EDIL3: variants seen among roughly 807,000 people sequenced by gnomAD.
EDIL3 encodes the protein EGF-like repeat and discoidin I-like domain-containing protein 3.
A neutral mutation model predicts 67.4 loss-of-function variants in EDIL3; 37 were observed. That is an observed-to-expected ratio of 0.55 (90% CI 0.42 to 0.72). The LOEUF (loss-of-function observed/expected upper bound fraction) is 0.72. Ranked by LOEUF, EDIL3 falls within the 30% of genes least tolerant of loss-of-function variation. The pLI, the probability that EDIL3 is intolerant of heterozygous loss-of-function variation, is 0.00. For missense variants in EDIL3, 527 were observed against 586.3 expected (o/e 0.90, Z 1.04); for synonymous variants, 195 against 196.3 (o/e 0.99, Z 0.05).
At chr5:83,944,596 A>G (rs1744280766) in intron 10 of EDIL3, among the ~76,000 whole-genome samples, 1 of 151,844 alleles carries the variant, frequency 6.6e-6, no homozygotes, top group Non-Finnish European at 1.5e-5. Context: ...TCTTTATCTG[A>G]AGATTTTATC....
chr5:84,084,997 A>G (rs1747043184), intron 6 of EDIL3, among the ~76,000 whole-genome samples: 1 of 152,200 alleles, frequency 6.6e-6, no homozygotes, highest in Non-Finnish European at 1.5e-5. Context: ...TGTCCTAATA[A>G]CATAATCAGG....
intron 4 of EDIL3, among the ~76,000 whole-genome samples, chr5:84,179,113 C>T (rs968312179): frequency 5.3e-5 from 8 of 152,258 alleles, no homozygotes; most frequent in African/African-American, 1.9e-4. Flanking sequence ...GGCACTGCCT[C>T]TGATGCCACA....
chr5:83,982,655 G>A (rs1324807327), intron 9 of EDIL3, among the ~76,000 whole-genome samples: 3 of 152,036 alleles, frequency 2.0e-5, no homozygotes, highest in South Asian at 4.1e-4. Flanking sequence ...TAGTAATTTC[G>A]TGTATAATAA....
intron 1 of EDIL3, among the ~76,000 whole-genome samples, chr5:84,326,556 A>G (rs1411373979): frequency 6.6e-6 from 1 of 151,938 alleles, no homozygotes; most frequent in African/African-American, 2.4e-5. Context: ...TGTATATTTT[A>G]CCACAATAAA....
At chr5:84,318,138 CT>C (rs1311390011) in intron 1 of EDIL3, among the ~76,000 whole-genome samples, 1 of 152,142 alleles carries the variant, frequency 6.6e-6, no homozygotes, top group African/African-American at 2.4e-5. Flanking sequence ...ACTAAAATGA[CT>C]GCTCAAGGAA....
intron 1 of EDIL3, among the ~76,000 whole-genome samples, chr5:84,303,850 T>TGTGTGTGTTTG (rs34555925): frequency 1.0e-3 from 101 of 99,146 alleles, no homozygotes; most frequent in African/African-American, 3.8e-3. Context: ...GTGTGTGTGT[T>TGTGTGTGTTTG]TGTGTGTGTG....
At chr5:84,309,902 C>T (rs1040132381) in intron 1 of EDIL3, among the ~76,000 whole-genome samples, 2 of 152,130 alleles carry the variant, frequency 1.3e-5, no homozygotes, top group African/African-American at 2.4e-5. Context: ...TTCTAGATCC[C>T]TGAAGAATTG....
intron 9 of EDIL3, among the ~76,000 whole-genome samples, chr5:84,034,892 G>A (rs1023409667): frequency 2.6e-5 from 4 of 152,104 alleles, no homozygotes; most frequent in Admixed American, 2.6e-4. Context: ...CACTGATATC[G>A]AGTCTCACGG....
intron 5 of EDIL3, among the ~76,000 whole-genome samples, chr5:84,123,855 C>G (rs348905): frequency 0.3 from 44,862 of 151,674 alleles, 7,377 homozygotes; most frequent in Non-Finnish European, 0.37. Flanking sequence ...ACAGTAGTTC[C>G]TTTTTACTTA....
chr5:84,230,091 C>T (rs1744539523), intron 2 of EDIL3, among the ~76,000 whole-genome samples: 1 of 151,950 alleles, frequency 6.6e-6, no homozygotes, highest in African/African-American at 2.4e-5. Flanking sequence ...AATGAGTATT[C>T]ACATTAAATA....
chr5:84,115,539 T>C (rs1019332179), intron 5 of EDIL3, among the ~76,000 whole-genome samples: 1 of 152,192 alleles, frequency 6.6e-6, no homozygotes, highest in Non-Finnish European at 1.5e-5. Context: ...AAAATTCTTA[T>C]TGAGATAATT....
chr5:84,195,442 TCAGTA>T (rs1413909105), intron 3 of EDIL3, among the ~76,000 whole-genome samples: 3 of 152,000 alleles, frequency 2.0e-5, no homozygotes, highest in East Asian at 1.9e-4. Flanking sequence ...TTCTACCTGA[TCAGTA>T]CAGTAAAGTT....
At chr5:83,955,342 AT>A (rs1744495858) in intron 10 of EDIL3, among the ~76,000 whole-genome samples, 1 of 151,690 alleles carries the variant, frequency 6.6e-6, no homozygotes, top group Non-Finnish European at 1.5e-5. Context: ...ATTATTTTTC[AT>A]TTATGAATAT....
intron 9 of EDIL3, among the ~76,000 whole-genome samples, chr5:84,033,213 C>T (rs1427794290): frequency 1.3e-5 from 2 of 152,216 alleles, no homozygotes; most frequent in Admixed American, 6.5e-5. Context: ...TGTTGCATGG[C>T]TCTGCCTCTT....
At chr5:84,094,423 C>T (rs1747224330) in intron 6 of EDIL3, among the ~76,000 whole-genome samples, 1 of 151,726 alleles carries the variant, frequency 6.6e-6, no homozygotes, top group Admixed American at 6.6e-5. Context: ...ACAGAAAAGG[C>T]TAAAATATTT....
At chr5:84,245,372 G>A (rs1402893181) in intron 2 of EDIL3, among the ~76,000 whole-genome samples, 1 of 152,014 alleles carries the variant, frequency 6.6e-6, no homozygotes, top group Non-Finnish European at 1.5e-5. Flanking sequence ...ATGAATAAGT[G>A]AGCATAAGTC....
In EDIL3 at chr5:84,251,374, G is replaced by A. The variant is rs554333867; in HGVS notation, c.196+2710C>T. ...GATCCGCCCACCTCGGCCTTCCAAA[G>A]TGCTGGGATTACCGACCAGCGTGAG... On this transcript the variant is annotated intron_variant, in intron 2 of 10. Transcript: ENST00000296591. 1.5e-4 allele frequency among the ~76,000 whole-genome samples: 22 copies of A among 151,010 alleles called. No individual in the cohort carries two copies. The East Asian group carries it at 4.3e-3, about 29-fold the overall frequency.
chr5:83,976,338 T>C lies in EDIL3; in HGVS notation c.1138-12978A>G, dbSNP rs116071623. ...CAAGACTAATTCTGAAATAACACTTTTTTTCTGGAAAGCTTTCATGTCAAA... is the reference window on the plus strand; with the variant it reads ...CAAGACTAATTCTGAAATAACACTTCTTTTCTGGAAAGCTTTCATGTCAAA... On this transcript the variant is annotated intron_variant, in intron 9 of 10. Transcript: ENST00000296591. Among the ~76,000 whole-genome samples the C allele has an allele frequency of 4.5e-3, 678 of 151,990 alleles. 7 individuals are homozygous for C. The highest frequency in any genetic ancestry group is 0.016 in the African/African-American group (652 of 41,554).
At chr5:84,259,462 T>A (rs1745184850) in intron 1 of EDIL3, among the ~76,000 whole-genome samples, 1 of 152,226 alleles carries the variant, frequency 6.6e-6, no homozygotes, top group Non-Finnish European at 1.5e-5. Flanking sequence ...TTAGGACAGA[T>A]GTGTTTAATT....
Sources: allele counts gnomAD v4.1 joint callset (sites outside exome capture counted in the v4.1 genomes callset), GRCh38; gene constraint gnomAD v4.1.1; transcripts MANE v1.5; gene names NCBI Gene and HGNC (gene_info 2026-07-23, HGNC 2026-07-21).